AKAP6: variants seen among roughly 807,000 people sequenced by gnomAD.
AKAP6 encodes the protein A-kinase anchor protein 6.
AKAP6 carries 58 observed loss-of-function variants against 188.5 expected under a neutral mutation model. The observed-to-expected ratio is 0.31, with a 90% confidence interval of 0.25 to 0.38. AKAP6 has a LOEUF of 0.38. AKAP6 is among the 10% of genes least tolerant of loss of function. The pLI is 1.00. For missense variants in AKAP6, 2,710 were observed against 2,740.0 expected (o/e 0.99, Z 0.24); for synonymous variants, 989 against 998.6 (o/e 0.99, Z 0.18).
intron 9 of AKAP6, among the ~76,000 whole-genome samples, chr14:32,727,268 A>C (rs1305282565): frequency 6.6e-6 from 1 of 152,094 alleles, no homozygotes; most frequent in African/African-American, 2.4e-5. Context: ...TTGACATGAA[A>C]GTTTTCAGTT....
Position 32,449,537 on chromosome 14 carries a change from A to G in AKAP6, c.324+15720A>G, listed in dbSNP as rs533420814. ...ACTCCATCTCAAAAAAAAAAAAAAA[A>G]AAAAGAAAAAGGAAAAGAATAAATA... On this transcript the variant is annotated intron_variant, in intron 2 of 13. Coordinates refer to ENST00000280979, the MANE Select transcript of AKAP6 (RefSeq NM_004274.5). 8.1e-5 allele frequency among the ~76,000 whole-genome samples: 12 copies of G among 148,746 alleles called. No homozygotes were observed. In the South Asian group the frequency reaches 1.5e-3, roughly 18 times the overall value.
At chr14:32,786,296 A>ATGTTTTTTTTTTTTTGTTTTTTTTT in intron 12 of AKAP6, among the ~76,000 whole-genome samples, 3 of 93,706 alleles carry the variant, frequency 3.2e-5, no homozygotes, top group African/African-American at 8.2e-5. Flanking sequence ...CTAAACCTTT[A>ATGTTTTTTTTTTTTTGTTTTTTTTT]TCTTTTTTTT....
At chr14:32,557,891 G>A (rs1471937786) in intron 4 of AKAP6, among the ~76,000 whole-genome samples, 1 of 151,766 alleles carries the variant, frequency 6.6e-6, no homozygotes, top group Non-Finnish European at 1.5e-5. Context: ...TTCCTTGAGA[G>A]TATCTTCTAC....
intron 7 of AKAP6, among the ~76,000 whole-genome samples, chr14:32,676,431 T>C (rs1889428925): frequency 6.6e-6 from 1 of 152,184 alleles, no homozygotes. Flanking sequence ...ATATGTGCTG[T>C]TAACATTCTG....
intron 5 of AKAP6, 113 bp from the exon 6 acceptor site, chr14:32,599,297 T>A (rs1885827200): frequency 1.3e-6 from 1 of 780,240 alleles, no homozygotes; most frequent in East Asian, 2.6e-5. Flanking sequence ...TTAGTTTGTC[T>A]ATTGGGTAAA....
chr14:32,604,316 G>A (rs1886050310), intron 7 of AKAP6, among the ~76,000 whole-genome samples: 1 of 152,084 alleles, frequency 6.6e-6, no homozygotes, highest in African/African-American at 2.4e-5. Context: ...ATCTTGACAT[G>A]ATTGAGCCAG....
At chr14:32,398,281 T>G (rs1313570435) in intron 1 of AKAP6, among the ~76,000 whole-genome samples, 26 of 152,228 alleles carry the variant, frequency 1.7e-4, no homozygotes, top group South Asian at 4.1e-4. Flanking sequence ...GGAAATTGTG[T>G]GTGTGGGGCC....
At chr14:32,809,035 A>G (rs2034157435) in intron 12 of AKAP6, among the ~76,000 whole-genome samples, 1 of 152,170 alleles carries the variant, frequency 6.6e-6, no homozygotes, top group African/African-American at 2.4e-5. Context: ...TTACTTAAAT[A>G]TCAGTATTAT....
chr14:32,501,162 T>C (rs1880590921), intron 2 of AKAP6, among the ~76,000 whole-genome samples: 1 of 152,174 alleles, frequency 6.6e-6, no homozygotes, highest in Non-Finnish European at 1.5e-5. Context: ...TTAATATCTC[T>C]TATTTAACCC....
At chr14:32,736,806 T>A (rs1033062560) in intron 11 of AKAP6, among the ~76,000 whole-genome samples, 1 of 152,112 alleles carries the variant, frequency 6.6e-6, no homozygotes, top group African/African-American at 2.4e-5. Flanking sequence ...TTTAGTCACA[T>A]GTGATTCACC....
intron 2 of AKAP6, among the ~76,000 whole-genome samples, chr14:32,442,829 G>A (rs1566505173): frequency 1.3e-5 from 2 of 151,856 alleles, no homozygotes; most frequent in South Asian, 4.1e-4. Context: ...GGTTGTCATA[G>A]CTACCTTGAA....
chr14:32,394,583 G>T (rs1368297918), intron 1 of AKAP6, among the ~76,000 whole-genome samples: 2 of 152,172 alleles, frequency 1.3e-5, no homozygotes, highest in East Asian at 3.9e-4. Flanking sequence ...ATTCACATCA[G>T]TTCGTAGTTC....
At chr14:32,571,744 T>C (rs1309070083) in intron 4 of AKAP6, among the ~76,000 whole-genome samples, 1 of 152,098 alleles carries the variant, frequency 6.6e-6, no homozygotes, top group Non-Finnish European at 1.5e-5. Flanking sequence ...CCAAAAGGAA[T>C]TAGCAGTTCA....
At chr14:32,515,226 T>C (rs1881459077) in intron 2 of AKAP6, among the ~76,000 whole-genome samples, 1 of 152,112 alleles carries the variant, frequency 6.6e-6, no homozygotes, top group African/African-American at 2.4e-5. Flanking sequence ...CCATCAGATC[T>C]CATAAGACTT....
At chr14:32,439,754 C>T (rs1452773367) in intron 2 of AKAP6, among the ~76,000 whole-genome samples, 1 of 140,928 alleles carries the variant, frequency 7.1e-6, no homozygotes, top group African/African-American at 2.9e-5. Flanking sequence ...GGGGAAGGAA[C>T]TCTGAGTGGA....
At position 32,600,647 on chromosome 14, in the gene AKAP6, G is replaced by A. The variant is rs761876269; in HGVS notation, c.2585G>A (p.Arg862Gln). 24 of 1,612,586 alleles carry A rather than the reference G, an allele frequency of 1.5e-5. No homozygotes were observed. The highest frequency in any genetic ancestry group is 8.4e-5 in the Admixed American group (5 of 59,790). ...GGAGAAGGACTGAAGGACATGCTGC[G>A]GATGATTGCAAGTCAATGGAAGGAG... Reference protein sequence around the residue: ...SHKAGLKDMLRMIASQWKELQ... With the variant: ...SHKAGLKDMLQMIASQWKELQ... Residue 862 changes from arginine to glutamine, a missense_variant, in exon 7 of 14, where the codon CGG (arginine) becomes CAG (glutamine). Arg to Gln is a conservative substitution (Grantham distance 43, BLOSUM62 1). Around this residue, in one of 2 missense-constraint regions of AKAP6, gnomAD observed 2,473 missense variants for 2,426.1 expected, o/e 1.02. Transcript: ENST00000280979.
chr14:32,348,358 G>A (rs1290259345), intron 1 of AKAP6, among the ~76,000 whole-genome samples: 4 of 151,610 alleles, frequency 2.6e-5, no homozygotes, highest in Admixed American at 2.6e-4. Context: ...AGAAGAATGT[G>A]GATACTGAAG....
intron 2 of AKAP6, among the ~76,000 whole-genome samples, chr14:32,525,596 A>C (rs1163014406): frequency 5.3e-5 from 8 of 152,344 alleles, no homozygotes; most frequent in African/African-American, 1.9e-4. Flanking sequence ...TAATCAAAGC[A>C]GGAGGTGACC....
At chr14:32,490,109 G>A (rs1485757379) in intron 2 of AKAP6, among the ~76,000 whole-genome samples, 3 of 149,786 alleles carry the variant, frequency 2.0e-5, no homozygotes, top group Admixed American at 2.0e-4. Context: ...ACCTTCTTAA[G>A]GGTGAGGGAG....
Sources: allele counts gnomAD v4.1 joint callset (sites outside exome capture counted in the v4.1 genomes callset), GRCh38; gene constraint gnomAD v4.1.1; regional missense constraint gnomAD v4.1.1; transcripts MANE v1.5; gene names NCBI Gene and HGNC (gene_info 2026-07-23, HGNC 2026-07-21).